BMERB1: variants seen among roughly 807,000 people sequenced by gnomAD.
BMERB1 encodes the protein bMERB domain containing 1, also known as bMERB domain-containing protein 1.
In BMERB1, 12 loss-of-function variants were observed where a neutral mutation model predicts 23.6. The observed-to-expected ratio is 0.51, with a 90% CI of 0.33 to 0.82. The LOEUF is 0.82. BMERB1 is among the 40% of genes least tolerant of loss of function. The pLI is 0.03. For synonymous variants in BMERB1, 122 were observed against 96.6 expected, an observed-to-expected ratio of 1.26 and a Z score of -1.54; for missense variants, 247 against 255.4, an observed-to-expected ratio of 0.97 and a Z score of 0.22.
At chr16:15,584,552 C>A in intron 5 of BMERB1, among the ~76,000 whole-genome samples, 1 of 116,670 alleles carries the variant, frequency 8.6e-6, no homozygotes, top group Admixed American at 9.8e-5. Flanking sequence ...AGCAAGACTC[C>A]ATCTCAAAAA....
intron 1 of BMERB1, among the ~76,000 whole-genome samples, chr16:15,478,337 T>A (rs1258143187): frequency 5.3e-5 from 8 of 152,008 alleles, no homozygotes; most frequent in Non-Finnish European, 1.0e-4. Context: ...ATTTTTGTAT[T>A]TTTAGTAGAG....
At chr16:15,580,031 A>G (rs2030967643) in intron 3 of BMERB1, among the ~76,000 whole-genome samples, 3 of 152,108 alleles carry the variant, frequency 2.0e-5, no homozygotes, top group Admixed American at 1.3e-4. Context: ...ATAGGTATTA[A>G]GCCCAGCATG....
chr16:15,556,686 A>G (rs950933948), intron 2 of BMERB1, among the ~76,000 whole-genome samples: 2 of 152,110 alleles, frequency 1.3e-5, no homozygotes, highest in African/African-American at 4.8e-5. Flanking sequence ...CCCAGGTTCA[A>G]GTGATTCTCC....
In BMERB1 at chr16:15,468,162, T is replaced by TTTTTTTC. The variant is rs57267276; in HGVS notation, c.106+33404_106+33405insTTTTTCT. ...TTTTTTTTTTTTTTTTTTTTTTTTT[T>TTTTTTTC]TGAGGCAGGGTCTCAGTCTGTCACC... On this transcript the variant is annotated intron_variant, in intron 1 of 5. Transcript: ENST00000300006. 9.8e-4 allele frequency among the ~76,000 whole-genome samples: 63 copies of TTTTTTTC among 64,530 alleles called. 3 individuals carry two copies. The highest frequency in any genetic ancestry group is 1.3e-3 in the Non-Finnish European group (43 of 32,154). The allele number at this position is 64,530 out of a possible 152,430, so 42.3% of individuals were successfully genotyped here. A position where few individuals can be genotyped will look rare whatever the true frequency, so the allele number is the denominator to read the frequency against.
intron 5 of BMERB1, 120 bp downstream of exon 5, chr16:15,583,358 A>C: frequency 1.3e-6 from 1 of 788,444 alleles, no homozygotes; most frequent in Non-Finnish European, 2.2e-6. Flanking sequence ...TGGGTGGATC[A>C]CCTGAGGTCA....
Position 15,515,340 on chromosome 16 carries a change from A to G in BMERB1, c.142A>G (p.Met48Val). The G allele has an allele frequency of 1.2e-6, 2 of 1,613,860 alleles. No individual in the cohort carries two copies. The highest frequency in any genetic ancestry group is 1.7e-5 in the Admixed American group (1 of 60,006). The change falls in exon 2 of 6, where the codon ATG becomes GTG. Residue 48 changes from methionine to valine, a missense_variant. Coordinates refer to ENST00000300006, the MANE Select transcript of BMERB1 (RefSeq NM_033201.3). ...LDIISMAETT[M>V]MPEEIELEMA... is the part of the protein sequence containing the mutation. Reference sequence around the variant, plus strand: ...CATCATCTCCATGGCGGAGACAACCATGATGCCAGAGGAGATTGAGCTGGA... The same window carrying G: ...CATCATCTCCATGGCGGAGACAACCGTGATGCCAGAGGAGATTGAGCTGGA...
At chr16:15,561,606 G>A (rs1309357212) in intron 2 of BMERB1, among the ~76,000 whole-genome samples, 2 of 152,020 alleles carry the variant, frequency 1.3e-5, no homozygotes, top group Admixed American at 1.3e-4. Flanking sequence ...GATAATAATA[G>A]TAAAGGCCAA....
At chr16:15,564,857 A>G (rs1396893464) in intron 2 of BMERB1, among the ~76,000 whole-genome samples, 1 of 152,128 alleles carries the variant, frequency 6.6e-6, no homozygotes, top group Non-Finnish European at 1.5e-5. Context: ...AATCTAACCT[A>G]CTGACCTGCA....
intron 5 of BMERB1, 94 bp downstream of exon 5, chr16:15,583,332 C>G: frequency 9.9e-7 from 1 of 1,010,180 alleles, no homozygotes; most frequent in Non-Finnish European, 1.6e-6. Flanking sequence ...AATCCCAGCA[C>G]TATGAGAGGC....
intron 2 of BMERB1, among the ~76,000 whole-genome samples, chr16:15,518,437 T>C (rs879534889): frequency 6.6e-6 from 1 of 152,152 alleles, no homozygotes; most frequent in South Asian, 2.1e-4. Context: ...GCTTGCCCAG[T>C]GGTGCACCTG....
At chr16:15,488,702 G>T (rs1246098640) in intron 1 of BMERB1, among the ~76,000 whole-genome samples, 1 of 150,542 alleles carries the variant, frequency 6.6e-6, no homozygotes, top group African/African-American at 2.4e-5. Context: ...AATTAGCTGG[G>T]CGTGGTGGTG....
chr16:15,469,441 A>G (rs2051211023), intron 1 of BMERB1, among the ~76,000 whole-genome samples: 1 of 152,124 alleles, frequency 6.6e-6, no homozygotes, highest in African/African-American at 2.4e-5. Context: ...GCTTATTCAT[A>G]TTTCTCAAAT....
At chr16:15,444,856 C>T (rs1296303196) in intron 1 of BMERB1, among the ~76,000 whole-genome samples, 1 of 152,082 alleles carries the variant, frequency 6.6e-6, no homozygotes, top group Non-Finnish European at 1.5e-5. Context: ...TGTATCTGTT[C>T]TCAATAATAA....
At chr16:15,538,633 T>A (rs1286837733) in intron 2 of BMERB1, among the ~76,000 whole-genome samples, 4 of 152,168 alleles carry the variant, frequency 2.6e-5, no homozygotes, top group African/African-American at 4.8e-5. Context: ...CAGAGTATTC[T>A]GGACTGAAGC....
intron 1 of BMERB1, among the ~76,000 whole-genome samples, chr16:15,451,467 G>A (rs2051040423): frequency 1.3e-5 from 2 of 151,586 alleles, no homozygotes; most frequent in African/African-American, 4.8e-5. Flanking sequence ...ACAGGCATGA[G>A]CCACCATGCC....
chr16:15,563,187 G>A (rs1017809982), intron 2 of BMERB1, among the ~76,000 whole-genome samples: 27 of 152,140 alleles, frequency 1.8e-4, no homozygotes, highest in African/African-American at 6.3e-4. Flanking sequence ...TTGGCAACCA[G>A]CTTGGGCAAC....
chr16:15,477,068 C>G (rs1228371260), intron 1 of BMERB1, among the ~76,000 whole-genome samples: 1 of 152,124 alleles, frequency 6.6e-6, no homozygotes, highest in African/African-American at 2.4e-5. Context: ...CAAGACCAGC[C>G]TAGGCAACTG....
chr16:15,522,165 G>C (rs1567483258), intron 2 of BMERB1, among the ~76,000 whole-genome samples: 2 of 152,154 alleles, frequency 1.3e-5, no homozygotes, highest in African/African-American at 4.8e-5. Flanking sequence ...TTCATAAAAA[G>C]GGATAGCATG....
intron 2 of BMERB1, among the ~76,000 whole-genome samples, chr16:15,557,346 C>T (rs543160192): frequency 2.6e-5 from 4 of 152,302 alleles, no homozygotes; most frequent in African/African-American, 7.2e-5. Flanking sequence ...ACTAATGTGG[C>T]TTATTCAAAG....
Sources: allele counts gnomAD v4.1 joint callset (sites outside exome capture counted in the v4.1 genomes callset), GRCh38; gene constraint gnomAD v4.1.1; transcripts MANE v1.5; gene names NCBI Gene and HGNC (gene_info 2026-07-23, HGNC 2026-07-21).